Variants in CFAP92 observed in about 807,000 individuals in gnomAD.
The protein encoded by CFAP92 is uncharacterized protein CFAP92.
CFAP92 carries 86 observed loss-of-function variants against 106.3 expected under a neutral mutation model. That is an observed-to-expected ratio of 0.81 (90% CI 0.68 to 0.97). The LOEUF (loss-of-function observed/expected upper bound fraction) is 0.97. CFAP92 is among the 50% of genes least tolerant of loss of function. CFAP92 has a pLI of 0.00. For missense variants in CFAP92, 1,204 were observed against 1,283.8 expected (o/e 0.94, Z 0.95); for synonymous variants, 477 against 506.4 (o/e 0.94, Z 0.78).
intron 12 of CFAP92, among the ~76,000 whole-genome samples, chr3:128,924,529 C>T (rs1937532573): frequency 6.7e-6 from 1 of 149,538 alleles, no homozygotes. Context: ...ACTGCAACCT[C>T]CATCCCCTGG....
chr3:128,945,699 A>C lies in CFAP92; in HGVS notation c.1630T>G (p.Ser544Ala). ...GGGTTGTTCTCTGTCTCTCTGGGAG[A>C]GATGAGGGCCTGGAAGTTGAGGTAT... The part of the protein sequence containing the change: ...DSYLNFQALI[S>A]PRETENNPFE... The change falls in exon 10 of 16, where the codon TCT (serine) becomes GCT (alanine). Residue 544 changes from serine to alanine, a missense_variant. Physicochemically the swap from Ser to Ala is moderately conservative, Grantham distance 99. Coordinates refer to ENST00000645291, the MANE Select transcript of CFAP92 (RefSeq NM_001394090.1). The C allele has an allele frequency of 6.5e-7, 1 of 1,535,960 alleles. No homozygotes were observed. Among genetic ancestry groups the C allele is most frequent in the African/African-American group, 1.4e-5 (1 of 73,078 alleles).
Position 128,948,377 on chromosome 3 carries a change from CTTTTTTTTTTTTTTTTTTT to C in CFAP92, c.1354-2421_1354-2403del, listed in dbSNP as rs4040748. 8.8e-3 allele frequency among the ~76,000 whole-genome samples: 705 copies of C among 79,802 alleles called. 8 individuals are homozygous for C. Among genetic ancestry groups the C allele is most frequent in the African/African-American group, 0.025 (671 of 26,414 alleles). 52.4% of individuals were successfully genotyped at this position (79,802 alleles called of 152,430 possible). A position where few individuals can be genotyped will look rare whatever the true frequency, so the allele number is the denominator to read the frequency against. Reference sequence around the variant, plus strand: ...GCCCCACTAATTTTTCTTTTCTTTCCTTTTTTTTTTTTTTTTTTTTTTTTTTTGTAGAGACAGAGTTTTA... The same window carrying C: ...GCCCCACTAATTTTTCTTTTCTTTCCTTTTTTTTGTAGAGACAGAGTTTTA... On this transcript the variant is annotated intron_variant, in intron 9 of 15. Coordinates refer to ENST00000645291, the MANE Select transcript of CFAP92 (RefSeq NM_001394090.1).
chr3:128,912,751 G>C (rs926377525), intron 15 of CFAP92: 4 of 798,518 alleles, frequency 5.0e-6, no homozygotes, highest in Admixed American at 3.4e-5. Flanking sequence ...TTGTCGCCTG[G>C]CCTGGGAGAG....
At chr3:128,960,159 C>T (rs555083521) in intron 9 of CFAP92, among the ~76,000 whole-genome samples, 3 of 152,316 alleles carry the variant, frequency 2.0e-5, no homozygotes, top group South Asian at 2.1e-4. Flanking sequence ...ACTCTCTTTT[C>T]GGACTCAGCC....
intron 4 of CFAP92, among the ~76,000 whole-genome samples, chr3:128,986,909 C>G (rs1576633678): frequency 6.6e-6 from 1 of 152,326 alleles, no homozygotes; most frequent in East Asian, 1.9e-4. Context: ...ACCTGTGTTC[C>G]CAGTACTTCG....
At chr3:128,987,545 A>AC in intron 4 of CFAP92, 71 bp downstream of exon 4, 1 of 1,347,516 alleles carries the variant, frequency 7.4e-7, no homozygotes, top group Admixed American at 1.9e-5. Context: ...ACCAGGAGAC[A>AC]CTGGCTTTTA....
chr3:128,974,421 T>A (rs1189701200), intron 7 of CFAP92, among the ~76,000 whole-genome samples: 2 of 152,188 alleles, frequency 1.3e-5, no homozygotes, highest in African/African-American at 4.8e-5. Context: ...GTTGATTTAG[T>A]GGCTTCTGAG....
At position 128,984,719 on chromosome 3, in the gene CFAP92, C is replaced by G. The variant is rs753476275; in HGVS notation, c.667+2897G>C. Among the ~76,000 whole-genome samples, 44 of 152,152 alleles carry G rather than the reference C, an allele frequency of 2.9e-4. 1 individual carries two copies. Among genetic ancestry groups the G allele is most frequent in the Admixed American group, 2.2e-3 (33 of 15,268 alleles). On this transcript the variant is annotated intron_variant, in intron 4 of 15. Transcript: ENST00000645291. ...TCATATATACATCTATCCTATTAGC[C>G]CTTCCCTCTAGAGAACACTGACTAG... is the stretch of plus-strand genomic sequence containing the variant.
At chr3:128,920,413 A>G (rs1015460203) in intron 12 of CFAP92, among the ~76,000 whole-genome samples, 1 of 152,226 alleles carries the variant, frequency 6.6e-6, no homozygotes, top group African/African-American at 2.4e-5. Context: ...CAAGAAAAAA[A>G]AATTAAAATA....
At chr3:129,008,602 G>A in the CFAP92 span, among the ~76,000 whole-genome samples, 389 of 152,090 alleles carry the variant, frequency 2.6e-3, 2 homozygotes, top group African/African-American at 8.8e-3. Flanking sequence ...ACCAATCCCC[G>A]TGCCACAATC....
intron 12 of CFAP92, among the ~76,000 whole-genome samples, chr3:128,916,869 C>T (rs910430555): frequency 2.6e-5 from 4 of 152,122 alleles, no homozygotes; most frequent in African/African-American, 9.7e-5. Flanking sequence ...GGAAAGTTAC[C>T]ACTCTAAATT....
intron 11 of CFAP92, among the ~76,000 whole-genome samples, chr3:128,934,528 TTTTG>T (rs947093430): frequency 5.9e-5 from 9 of 151,546 alleles, no homozygotes; most frequent in East Asian, 3.9e-4. Context: ...CTGTTTTTGC[TTTTG>T]TTTGTTTGTT....
intron 1 of CFAP92, chr3:128,993,600 GT>G (rs1238256156): frequency 2.3e-5 from 10 of 428,994 alleles, no homozygotes; most frequent in South Asian, 1.2e-4. Flanking sequence ...CTAACCAGGA[GT>G]CAGTCGCCGG....
chr3:128,949,958 G>A (rs1940619226), intron 9 of CFAP92, among the ~76,000 whole-genome samples: 1 of 152,122 alleles, frequency 6.6e-6, no homozygotes, highest in South Asian at 2.1e-4. Context: ...AAAATGCTGG[G>A]ATTACAGGTG....
intron 9 of CFAP92, 81 bp from the exon 10 acceptor site, chr3:128,946,056 G>T: frequency 1.9e-6 from 2 of 1,054,484 alleles, no homozygotes; most frequent in Non-Finnish European, 2.6e-6. Context: ...TCAAATCCCA[G>T]TGCCAGGCTC....
chr3:128,966,411 TACTG>T (rs1942364023), intron 8 of CFAP92, among the ~76,000 whole-genome samples: 1 of 152,168 alleles, frequency 6.6e-6, no homozygotes, highest in South Asian at 2.1e-4. Flanking sequence ...AAAGCACAGA[TACTG>T]ATGTAGAACA....
intron 11 of CFAP92, among the ~76,000 whole-genome samples, chr3:128,934,449 C>T (rs1938760283): frequency 6.6e-6 from 1 of 151,970 alleles, no homozygotes; most frequent in Non-Finnish European, 1.5e-5. Flanking sequence ...GAACTGCCGA[C>T]CTCAGGTGAT....
At chr3:128,921,541 A>G (rs183178362) in intron 12 of CFAP92, among the ~76,000 whole-genome samples, 1 of 152,346 alleles carries the variant, frequency 6.6e-6, no homozygotes, top group Admixed American at 6.5e-5. Context: ...GCTGGATTGA[A>G]AGTAGGAAAG....
At chr3:128,944,533 A>G (rs1940011472) in intron 10 of CFAP92, among the ~76,000 whole-genome samples, 2 of 152,168 alleles carry the variant, frequency 1.3e-5, no homozygotes, top group South Asian at 4.1e-4. Context: ...TACCCAAACT[A>G]GTATACTTGC....
Sources: allele counts gnomAD v4.1 joint callset (sites outside exome capture counted in the v4.1 genomes callset), GRCh38; gene constraint gnomAD v4.1.1; transcripts MANE v1.5; gene names NCBI Gene and HGNC (gene_info 2026-07-23, HGNC 2026-07-21).